Variants in ACTR3C observed in about 807,000 individuals in gnomAD.
The protein encoded by ACTR3C is actin-related protein 3C.
In ACTR3C, 18 loss-of-function variants were observed where a neutral mutation model predicts 26.3. That is an observed-to-expected ratio of 0.68 (90% CI 0.47 to 1.01). ACTR3C has a LOEUF of 1.01. Among genes scored for constraint, ACTR3C ranks in the 50% least tolerant of loss-of-function variants. The pLI is 0.00. For synonymous variants in ACTR3C, 55 were observed against 94.5 expected, an observed-to-expected ratio of 0.58 and a Z score of 2.42; for missense variants, 184 against 250.7, an observed-to-expected ratio of 0.73 and a Z score of 1.80.
At chr7:149,923,251 T>C in the ACTR3C span, among the ~76,000 whole-genome samples, 1 of 151,936 alleles carries the variant, frequency 6.6e-6, no homozygotes, top group Non-Finnish European at 1.5e-5. Context: ...AGGCCAAATA[T>C]ATCAATCATA....
At chr7:150,061,290 G>C in the ACTR3C span, among the ~76,000 whole-genome samples, 1 of 134,702 alleles carries the variant, frequency 7.4e-6, no homozygotes, top group African/African-American at 2.7e-5. Context: ...AGCCTCAGAT[G>C]ATCACTTCTG....
At chr7:150,211,145 A>G in the ACTR3C span, among the ~76,000 whole-genome samples, 1 of 148,800 alleles carries the variant, frequency 6.7e-6, no homozygotes, top group East Asian at 1.9e-4. Flanking sequence ...GCTGGAGGTC[A>G]TAATTTTTAC....
chr7:150,041,729 G>T, the ACTR3C span, among the ~76,000 whole-genome samples: 11 of 142,020 alleles, frequency 7.7e-5, no homozygotes, highest in African/African-American at 3.0e-4. Context: ...TCCCCCTCCT[G>T]CGATGGGGGT....
rs529980589 is a variant in ACTR3C at position 150,305,809 on chromosome 7, T to C, written c.-51-10462A>G. Among the ~76,000 whole-genome samples the C allele has an allele frequency of 1.6e-4, 25 of 152,228 alleles. No individual in the cohort carries two copies. In the East Asian group the frequency reaches 3.1e-3, roughly 19 times the overall value. ...ACAGTCAGTGGCAAGGAGCTCATTCTCTCTGCATGTTCAGATGACTGGGCA... is the reference window on the plus strand; with the variant it reads ...ACAGTCAGTGGCAAGGAGCTCATTCCCTCTGCATGTTCAGATGACTGGGCA... On this transcript the variant is annotated intron_variant, in intron 1 of 7. Transcript: ENST00000683684.
chr7:149,967,428 T>G, the ACTR3C span, among the ~76,000 whole-genome samples: 1 of 152,176 alleles, frequency 6.6e-6, no homozygotes, highest in Non-Finnish European at 1.5e-5. Context: ...TGTCTCAGCC[T>G]GCCAAAGTGC....
the ACTR3C span, among the ~76,000 whole-genome samples, chr7:150,237,897 C>T: frequency 8.5e-5 from 12 of 141,124 alleles, no homozygotes; most frequent in East Asian, 6.2e-4. Context: ...TTTTTTCCCA[C>T]GCAGGTTATT....
intron 1 of ACTR3C, among the ~76,000 whole-genome samples, chr7:150,299,844 C>A (rs1319078036): frequency 6.6e-6 from 1 of 151,964 alleles, no homozygotes; most frequent in Non-Finnish European, 1.5e-5. Flanking sequence ...TCAATGAGTA[C>A]GGAGTTTCAG....
the ACTR3C span, among the ~76,000 whole-genome samples, chr7:150,107,236 T>G: frequency 6.7e-6 from 1 of 149,122 alleles, no homozygotes; most frequent in East Asian, 1.9e-4. Context: ...AAAGTATCTT[T>G]GAGGCAGAGC....
At chr7:150,173,221 C>T in the ACTR3C span, among the ~76,000 whole-genome samples, 2 of 149,650 alleles carry the variant, frequency 1.3e-5, no homozygotes, top group Non-Finnish European at 2.9e-5. Flanking sequence ...CTGCAGCAAA[C>T]TTCTGTCTGG....
At chr7:149,926,022 C>T in the ACTR3C span, among the ~76,000 whole-genome samples, 3 of 151,814 alleles carry the variant, frequency 2.0e-5, no homozygotes, top group East Asian at 1.9e-4. Flanking sequence ...GAGACTGTGC[C>T]GCCGCACTCT....
At chr7:149,883,534 A>G in the ACTR3C span, among the ~76,000 whole-genome samples, 1 of 152,236 alleles carries the variant, frequency 6.6e-6, no homozygotes, top group Non-Finnish European at 1.5e-5. Flanking sequence ...CCACTGAGAA[A>G]AAAAAGTAAA....
chr7:150,161,433 C>A, the ACTR3C span, among the ~76,000 whole-genome samples: 1 of 151,364 alleles, frequency 6.6e-6, no homozygotes, highest in Non-Finnish European at 1.5e-5. Context: ...TCTCATTGTT[C>A]AATTACCACA....
chr7:150,174,072 C>T, the ACTR3C span, among the ~76,000 whole-genome samples: 1 of 139,608 alleles, frequency 7.2e-6, no homozygotes, highest in African/African-American at 3.3e-5. Flanking sequence ...CTGTTCCAAC[C>T]TCTGCCTCTT....
the ACTR3C span, among the ~76,000 whole-genome samples, chr7:150,057,195 TC>T: frequency 5.5e-4 from 84 of 151,840 alleles, no homozygotes; most frequent in Non-Finnish European, 9.7e-4. Flanking sequence ...ACACAAGACT[TC>T]CAATAAGATA....
the ACTR3C span, among the ~76,000 whole-genome samples, chr7:150,034,293 C>T: frequency 6.6e-6 from 1 of 151,662 alleles, no homozygotes; most frequent in African/African-American, 2.4e-5. Flanking sequence ...GGCTACCGGC[C>T]TCAGCCAGGG....
At chr7:150,197,209 T>G in the ACTR3C span, among the ~76,000 whole-genome samples, 1 of 152,160 alleles carries the variant, frequency 6.6e-6, no homozygotes, top group Non-Finnish European at 1.5e-5. Flanking sequence ...GGCTTCCCTG[T>G]GAATGCCTGG....
At chr7:150,000,536 A>G in the ACTR3C span, among the ~76,000 whole-genome samples, 1 of 78,422 alleles carries the variant, frequency 1.3e-5, no homozygotes, top group South Asian at 4.8e-4. Flanking sequence ...AGTTGATAGC[A>G]TGGGTAGATA....
chr7:149,917,454 A>C, the ACTR3C span, among the ~76,000 whole-genome samples: 1 of 152,136 alleles, frequency 6.6e-6, no homozygotes, highest in African/African-American at 2.4e-5. Context: ...TGACAGCAGT[A>C]ATATGTAGAC....
chr7:149,912,929 A>G, the ACTR3C span, among the ~76,000 whole-genome samples: 1 of 152,222 alleles, frequency 6.6e-6, no homozygotes, highest in African/African-American at 2.4e-5. Context: ...ATATCTTTCC[A>G]TTTTCCTGGG....
Sources: gnomAD v4.1 joint callset for allele counts (sites outside exome capture counted in the v4.1 genomes callset) on GRCh38, gnomAD v4.1.1 for gene constraint, MANE v1.5 for transcripts, NCBI Gene and HGNC (gene_info 2026-07-23, HGNC 2026-07-21) for gene names.